The following PRX variants were observed in gnomAD, a reference collection of about 807,000 sequenced individuals.
The protein encoded by PRX is periaxin.
A neutral mutation model predicts 29.6 loss-of-function variants in PRX; 24 were observed. The ratio of observed to expected loss-of-function variants is 0.81; its 90% CI spans 0.59 to 1.14. PRX has a LOEUF of 1.14. PRX is among the 50% of genes most tolerant of loss of function. The pLI, the probability that PRX is intolerant of heterozygous loss-of-function variation, is 0.00. For missense variants in PRX, 1,838 were observed against 1,926.4 expected (o/e 0.95, Z 0.86); for synonymous variants, 772 against 831.7 (o/e 0.93, Z 1.24).
intron 1 of PRX, among the ~76,000 whole-genome samples, chr19:40,408,640 AT>A (rs370497272): frequency 2.4e-4 from 37 of 152,152 alleles, no homozygotes; most frequent in Admixed American, 5.9e-4. Flanking sequence ...CTAAAAAATA[AT>A]TGCTATTTGA....
chr19:40,403,912 C>CT (rs2079514452), intron 4 of PRX, 50 bp from the exon 5 acceptor site: 1 of 1,583,814 alleles, frequency 6.3e-7, no homozygotes, highest in Non-Finnish European at 8.5e-7. Context: ...CCGGACCTCG[C>CT]CCAGAGCCCG....
chr19:40,410,866 A>G (rs1402565295), intron 1 of PRX, among the ~76,000 whole-genome samples: 1 of 152,154 alleles, frequency 6.6e-6, no homozygotes, highest in African/African-American at 2.4e-5. Flanking sequence ...GCGAGACTCC[A>G]TCTCAAAAAA....
upstream of PRX, among the ~76,000 whole-genome samples, chr19:40,413,630 A>G (rs886561774): frequency 2.6e-5 from 4 of 152,122 alleles, no homozygotes; most frequent in African/African-American, 9.6e-5. Flanking sequence ...GGCTTCCTCG[A>G]CTTGGAGAAT....
intron 5 of PRX, 89 bp downstream of exon 5, chr19:40,403,617 G>C: frequency 2.1e-6 from 3 of 1,401,574 alleles, no homozygotes; most frequent in South Asian, 1.4e-5. Flanking sequence ...CCCATCCCCC[G>C]GTCAGTTTCA....
At position 40,397,833 on chromosome 19, in the gene PRX, C is replaced by T; in HGVS notation, c.519G>A (p.Glu173=). The change falls in exon 7 of 7, where the codon GAG becomes GAA. Residue 173 remains glutamate, a synonymous_variant. Coordinates refer to ENST00000324001, the MANE Select transcript of PRX (RefSeq NM_181882.3). The part of the protein sequence containing the change: ...FSRLRRGLKA[E]AVKGPVPAAP... The stretch of plus-strand genomic sequence containing the variant: ...CAGCCGGGACAGGACCCTTGACAGC[C>T]TCGGCTTTGAGGCCCCGACGCAGGC... 7 of 1,596,228 alleles carry T rather than the reference C, an allele frequency of 4.4e-6. No homozygotes were observed. The highest frequency in any genetic ancestry group is 6.0e-6 in the Non-Finnish European group (7 of 1,172,372).
Position 40,395,566 on chromosome 19 carries a change from G to A in PRX, c.2786C>T (p.Ser929Phe). The part of the protein sequence containing the change: ...EMIETKVKPS[S>F]KFSLPKFGLS... ...TCCAAACTTAGGTAAGGAGAACTTG[G>A]AAGAGGGCTTGACTTTTGTCTCTAT... The change falls in exon 7 of 7, where the codon TCC (serine) becomes TTC (phenylalanine). Residue 929 changes from serine (S) to phenylalanine (F), a missense_variant. Physicochemically the swap from Ser to Phe is radical, Grantham distance 155. Coordinates refer to ENST00000324001, the MANE Select transcript of PRX (RefSeq NM_181882.3). 2 of 1,614,168 alleles carry A rather than the reference G, an allele frequency of 1.2e-6. No individual in the cohort carries two copies. The highest frequency in any genetic ancestry group is 1.7e-6 in the Non-Finnish European group (2 of 1,180,030).
Position 40,395,820 on chromosome 19 carries a change from C to T in PRX, c.2532G>A (p.Glu844=), listed in dbSNP as rs1271627200. The change falls in exon 7 of 7, where the codon GAG becomes GAA. Residue 844 remains glutamate (E), a synonymous_variant. Coordinates refer to ENST00000324001, the MANE Select transcript of PRX (RefSeq NM_181882.3). ...LPCLQPEVDG[E]AHVGVPSLTL... Reference sequence around the variant, plus strand: ...TGAGAGAGGGGACACCCACATGAGCCTCACCATCCACCTCTGGCTGCAGAC... The same window carrying T: ...TGAGAGAGGGGACACCCACATGAGCTTCACCATCCACCTCTGGCTGCAGAC... 2 of 1,614,230 alleles carry T rather than the reference C, an allele frequency of 1.2e-6. No homozygotes were observed. The highest frequency in any genetic ancestry group is 8.5e-7 in the Non-Finnish European group (1 of 1,180,050).
chr19:40,393,836 G>A lies in PRX; in HGVS notation c.*130C>T, dbSNP rs2079401587. ...CACTCCTGCCAGAGAGACAGGAGCA[G>A]GCCTCCCTGCCAGCCCTGGTCAGTC... On this transcript the variant is annotated 3_prime_UTR_variant, in exon 7 of 7. Transcript: ENST00000324001. 7.1e-7 allele frequency: 1 copy of A among 1,415,006 alleles called. No individual in the cohort carries two copies. Among genetic ancestry groups the A allele is most frequent in the Non-Finnish European group, 9.7e-7 (1 of 1,026,650 alleles). 87.7% of individuals were successfully genotyped at this position (1,415,006 alleles called of 1,614,324 possible). A position where few individuals can be genotyped will look rare whatever the true frequency, so the allele number is the denominator to read the frequency against.
chr19:40,397,824 C>G lies in PRX; in HGVS notation c.528G>C (p.Lys176Asn). 6.3e-7 allele frequency: 1 copy of G among 1,592,384 alleles called. No individual in the cohort carries two copies. Among genetic ancestry groups the G allele is most frequent in the South Asian group, 1.1e-5 (1 of 88,112 alleles). ...LRRGLKAEAVKGPVPAAPARR... is the reference protein window; with the variant it reads ...LRRGLKAEAVNGPVPAAPARR... ...GGGCAGGGGCAGCCGGGACAGGACC[C>G]TTGACAGCCTCGGCTTTGAGGCCCC... Residue 176 changes from lysine (K) to asparagine (N), a missense_variant, in exon 7 of 7, where the codon AAG becomes AAC. Around this residue, in one of 3 missense-constraint regions of PRX, gnomAD observed 666 missense variants for 665.0 expected, o/e 1.00. Transcript: ENST00000324001.
intron 5 of PRX, among the ~76,000 whole-genome samples, chr19:40,399,899 CTT>C (rs757658385): frequency 4.4e-5 from 3 of 67,600 alleles, no homozygotes; most frequent in African/African-American, 1.0e-4. Flanking sequence ...TTCTTTCTTT[CTT>C]TCTTTTTCTT....
chr19:40,413,978 C>T (rs560296998), upstream of PRX, among the ~76,000 whole-genome samples: 1 of 152,280 alleles, frequency 6.6e-6, no homozygotes, highest in African/African-American at 2.4e-5. Context: ...GTTTTGGCCC[C>T]TTTTCAGTAA....
intron 5 of PRX, among the ~76,000 whole-genome samples, chr19:40,401,899 G>A (rs577188166): frequency 7.9e-5 from 12 of 151,852 alleles, no homozygotes; most frequent in South Asian, 4.2e-4. Flanking sequence ...GATTATAGGC[G>A]CCTACCACCA....
chr19:40,397,506 A>G lies in PRX; in HGVS notation c.846T>C (p.Ala282=), dbSNP rs1200359360. Residue 282 remains alanine, a synonymous_variant, in exon 7 of 7, where the codon GCT becomes GCC. Coordinates refer to ENST00000324001, the MANE Select transcript of PRX (RefSeq NM_181882.3). Reference sequence around the variant, plus strand: ...GGATTCCCACGGCTGGGGCCTCCACAGCAGGCGGAGCCGGGGCTCCGAGCC... The same window carrying G: ...GGATTCCCACGGCTGGGGCCTCCACGGCAGGCGGAGCCGGGGCTCCGAGCC... ...TLGLGAPAPP[A]VEAPAVGIQV... is the part of the protein sequence containing the mutation. 1 of 1,551,012 alleles carries G rather than the reference A, an allele frequency of 6.4e-7. No individual in the cohort carries two copies. Among genetic ancestry groups the G allele is most frequent in the Non-Finnish European group, 8.7e-7 (1 of 1,149,810 alleles).
chr19:40,401,361 T>C (rs951730720), intron 5 of PRX, among the ~76,000 whole-genome samples: 1 of 152,196 alleles, frequency 6.6e-6, no homozygotes, highest in Middle Eastern at 3.4e-3. Flanking sequence ...GGTGTGATCA[T>C]GGCTCATTGC....
At chr19:40,404,793 CA>C (rs1439688859) in intron 4 of PRX, among the ~76,000 whole-genome samples, 1 of 152,016 alleles carries the variant, frequency 6.6e-6, no homozygotes, top group African/African-American at 2.4e-5. Context: ...AGGCTGGTCT[CA>C]AACTCCTGGC....
intron 5 of PRX, among the ~76,000 whole-genome samples, chr19:40,400,034 G>A (rs1389018064): frequency 2.1e-5 from 3 of 145,188 alleles, no homozygotes; most frequent in Non-Finnish European, 3.1e-5. Flanking sequence ...CCAGGCTGGA[G>A]TGCAATGGCG....
Position 40,394,274 on chromosome 19 carries a change from C to T in PRX, c.4078G>A (p.Glu1360Lys). 8.0e-7 allele frequency: 1 copy of T among 1,251,600 alleles called. No homozygotes were observed. Among genetic ancestry groups the T allele is most frequent in the Non-Finnish European group, 1.0e-6 (1 of 962,054 alleles). 77.5% of individuals were successfully genotyped at this position (1,251,600 alleles called of 1,614,324 possible). ...GAGGCCCCTTCCCCACTGCCCTCTTCCTCCTCCTCCTCCTCCTCCTCGGGG... is the reference window on the plus strand; with the variant it reads ...GAGGCCCCTTCCCCACTGCCCTCTTTCTCCTCCTCCTCCTCCTCCTCGGGG... Reference protein sequence around the residue: ...PSPEEEEEEEEEGSGEGASGR... With the variant: ...PSPEEEEEEEKEGSGEGASGR... Residue 1360 changes from glutamate (E) to lysine (K), a missense_variant, in exon 7 of 7, where the codon GAA (glutamate) becomes AAA (lysine). By Grantham distance (56) the Glu-to-Lys change is moderately conservative. Around this residue, in one of 3 missense-constraint regions of PRX, gnomAD observed 1,143 missense variants for 1,193.0 expected, o/e 0.96. Coordinates refer to ENST00000324001, the MANE Select transcript of PRX (RefSeq NM_181882.3). The surrounding 1 kb of genome is among the most constrained non-coding windows in gnomAD (Gnocchi z 5.8).
intron 3 of PRX, 43 bp from the exon 4 acceptor site, chr19:40,408,074 G>A (rs928608088): frequency 8.4e-6 from 9 of 1,077,664 alleles, no homozygotes; most frequent in South Asian, 2.7e-5. Flanking sequence ...AGTAGGGGAC[G>A]AGAGGTGGAG....
At chr19:40,410,700 G>A (rs1001047691) in intron 1 of PRX, among the ~76,000 whole-genome samples, 20 of 152,098 alleles carry the variant, frequency 1.3e-4, no homozygotes, top group African/African-American at 4.1e-4. Context: ...GTGAAACCCC[G>A]TTTCTACTAA....
Sources: gnomAD v4.1 joint callset for allele counts (sites outside exome capture counted in the v4.1 genomes callset) on GRCh38, gnomAD v4.1.1 for gene constraint, gnomAD v4.1.1 regional missense constraint, Gnocchi (gnomAD v3.1) non-coding constraint, MANE v1.5 for transcripts, NCBI Gene and HGNC (gene_info 2026-07-23, HGNC 2026-07-21) for gene names.